CCSER1: variants seen among roughly 807,000 people sequenced by gnomAD.
The protein encoded by CCSER1 is serine-rich coiled-coil domain-containing protein 1.
Under a neutral mutation model 82.0 loss-of-function variants are expected in CCSER1, and 41 were observed. That is an observed-to-expected ratio of 0.50 (90% CI 0.39 to 0.65). The LOEUF (loss-of-function observed/expected upper bound fraction) is 0.65. Ranked by LOEUF, CCSER1 falls within the 30% of genes least tolerant of loss-of-function variation. The pLI is 0.00. For missense variants in CCSER1, 1,119 were observed against 1,064.2 expected (o/e 1.05, Z -0.72); for synonymous variants, 414 against 383.9 (o/e 1.08, Z -0.92).
chr4:91,417,247 G>A (rs1753421623), intron 10 of CCSER1, among the ~76,000 whole-genome samples: 1 of 151,488 alleles, frequency 6.6e-6, no homozygotes, highest in African/African-American at 2.4e-5. Context: ...ATTGGTGGAA[G>A]TGTAAATTAG....
chr4:90,874,489 G>A (rs1055023049), intron 8 of CCSER1, among the ~76,000 whole-genome samples: 9 of 151,766 alleles, frequency 5.9e-5, no homozygotes, highest in African/African-American at 1.9e-4. Context: ...CTTGTGGATG[G>A]GACATTTGGC....
chr4:90,302,804 A>AAAAAC (rs568160665), intron 1 of CCSER1, among the ~76,000 whole-genome samples: 2,132 of 151,768 alleles, frequency 0.014, 63 homozygotes, highest in African/African-American at 0.048. Context: ...CCTTGTCTCC[A>AAAAAC]AAAACAAAAC....
chr4:90,981,311 G>A (rs1483967414), intron 9 of CCSER1, among the ~76,000 whole-genome samples: 1 of 151,638 alleles, frequency 6.6e-6, no homozygotes, highest in Non-Finnish European at 1.5e-5. Context: ...TGTTTCTCAG[G>A]ATCTGCTTCT....
At position 90,254,820 on chromosome 4, in the gene CCSER1, A is replaced by G. The variant is rs57853206; in HGVS notation, c.-41-53424A>G. 2.6e-5 allele frequency among the ~76,000 whole-genome samples: 4 copies of G among 152,216 alleles called. No homozygotes were observed. The South Asian group carries it at 8.3e-4, about 32-fold the overall frequency. On this transcript the variant is annotated intron_variant, in intron 1 of 10. Transcript: ENST00000509176. Reference sequence around the variant, plus strand: ...AATGTTTCTCCATTTTTTGCATGTCATTAGGGAAACTTCCTGATAATTTAA... The same window carrying G: ...AATGTTTCTCCATTTTTTGCATGTCGTTAGGGAAACTTCCTGATAATTTAA...
At chr4:90,957,313 G>A (rs1293048097) in intron 9 of CCSER1, among the ~76,000 whole-genome samples, 26 of 146,690 alleles carry the variant, frequency 1.8e-4, no homozygotes, top group African/African-American at 6.5e-4. Context: ...TCTTGGCCAG[G>A]CTGGTCTTCA....
intron 10 of CCSER1, among the ~76,000 whole-genome samples, chr4:91,266,968 C>A (rs1025073985): frequency 1.3e-5 from 2 of 152,092 alleles, no homozygotes; most frequent in African/African-American, 4.8e-5. Flanking sequence ...TGGAAAATTG[C>A]TGCACCTTCA....
At chr4:91,178,346 G>C (rs1241851675) in intron 10 of CCSER1, among the ~76,000 whole-genome samples, 3 of 152,238 alleles carry the variant, frequency 2.0e-5, no homozygotes, top group South Asian at 4.1e-4. Context: ...GCAGAGCTGA[G>C]TTCAATTCCT....
At chr4:90,340,835 A>G (rs191846242) in intron 3 of CCSER1, among the ~76,000 whole-genome samples, 9 of 152,204 alleles carry the variant, frequency 5.9e-5, no homozygotes, top group African/African-American at 1.9e-4. Context: ...GTTATCGATG[A>G]TCCAGCCCAG....
intron 10 of CCSER1, among the ~76,000 whole-genome samples, chr4:91,188,005 A>T (rs1013625289): frequency 1.3e-5 from 2 of 152,102 alleles, no homozygotes; most frequent in Non-Finnish European, 2.9e-5. Flanking sequence ...ATGCAGAATT[A>T]TCTTAGTATA....
intron 6 of CCSER1, among the ~76,000 whole-genome samples, chr4:90,719,532 C>A (rs577132029): frequency 6.6e-6 from 1 of 152,228 alleles, no homozygotes; most frequent in South Asian, 2.1e-4. Context: ...AGGTTGAAGA[C>A]CATTGCTTTA....
intron 3 of CCSER1, among the ~76,000 whole-genome samples, chr4:90,378,414 A>G (rs1037948608): frequency 1.3e-5 from 2 of 152,214 alleles, no homozygotes. Flanking sequence ...ACCCAAGGCT[A>G]GGTTGCAGAG....
At chr4:90,150,043 A>G (rs1208875916) in intron 1 of CCSER1, among the ~76,000 whole-genome samples, 2 of 152,304 alleles carry the variant, frequency 1.3e-5, no homozygotes, top group Non-Finnish European at 2.9e-5. Flanking sequence ...GATTTTTGCA[A>G]TAAGTAGGGT....
intron 10 of CCSER1, among the ~76,000 whole-genome samples, chr4:91,580,970 A>C (rs1458790692): frequency 6.6e-6 from 1 of 151,686 alleles, no homozygotes; most frequent in African/African-American, 2.4e-5. Flanking sequence ...CTAAGATAGG[A>C]TACAAACCAA....
intron 10 of CCSER1, among the ~76,000 whole-genome samples, chr4:91,133,338 C>T (rs1411938742): frequency 6.6e-6 from 1 of 152,012 alleles, no homozygotes; most frequent in African/African-American, 2.4e-5. Context: ...TCAGAAAGTG[C>T]TAAGATTGTC....
At chr4:90,337,290 C>T (rs1293843510) in intron 3 of CCSER1, among the ~76,000 whole-genome samples, 1 of 152,152 alleles carries the variant, frequency 6.6e-6, no homozygotes, top group African/African-American at 2.4e-5. Flanking sequence ...TTCTCTATAC[C>T]TCCATATTGA....
At chr4:91,531,600 A>G (rs1295781576) in intron 10 of CCSER1, among the ~76,000 whole-genome samples, 1 of 152,190 alleles carries the variant, frequency 6.6e-6, no homozygotes, top group Non-Finnish European at 1.5e-5. Flanking sequence ...TGCTGCTATA[A>G]CACAATGCCT....
intron 8 of CCSER1, among the ~76,000 whole-genome samples, chr4:90,870,156 C>A (rs1426383664): frequency 6.6e-6 from 1 of 151,740 alleles, no homozygotes; most frequent in African/African-American, 2.4e-5. Flanking sequence ...AATTTGACTT[C>A]TTCATTTCCA....
At chr4:90,886,723 C>T (rs1421816916) in intron 8 of CCSER1, among the ~76,000 whole-genome samples, 1 of 152,152 alleles carries the variant, frequency 6.6e-6, no homozygotes, top group African/African-American at 2.4e-5. Flanking sequence ...GGTTTGTAAA[C>T]TTGCCTGAGG....
chr4:91,055,619 T>A (rs1441802175), intron 9 of CCSER1, among the ~76,000 whole-genome samples: 1 of 152,148 alleles, frequency 6.6e-6, no homozygotes, highest in Non-Finnish European at 1.5e-5. Flanking sequence ...TCTCAATGTG[T>A]GCTTGAGTTC....
Sources: allele counts gnomAD v4.1 joint callset (sites outside exome capture counted in the v4.1 genomes callset), GRCh38; gene constraint gnomAD v4.1.1; transcripts MANE v1.5; gene names NCBI Gene and HGNC (gene_info 2026-07-23, HGNC 2026-07-21).